Variants in SLC24A2 observed in about 807,000 individuals in gnomAD.
The protein encoded by SLC24A2 is sodium/potassium/calcium exchanger 2.
In SLC24A2, 36 loss-of-function variants were observed where a neutral mutation model predicts 62.0. The ratio of observed to expected loss-of-function variants is 0.58; its 90% confidence interval spans 0.44 to 0.77. The LOEUF (loss-of-function observed/expected upper bound fraction) is 0.77. Among genes scored for constraint, SLC24A2 ranks in the 30% least tolerant of loss-of-function variants. The probability of loss-of-function intolerance (pLI) is 0.00; values close to 1 mark genes in which losing one functional copy is unlikely to be tolerated. For missense variants in SLC24A2, 846 were observed against 817.9 expected, an observed-to-expected ratio of 1.03 and a Z score of -0.42; for synonymous variants, 358 against 294.0, an observed-to-expected ratio of 1.22 and a Z score of -2.23.
intron 2 of SLC24A2, among the ~76,000 whole-genome samples, chr9:19,719,043 C>G (rs59940399): frequency 0.33 from 50,469 of 151,990 alleles, 8,893 homozygotes; most frequent in African/African-American, 0.47. Flanking sequence ...GAGTCTCAGT[C>G]ACCTCTCTTC....
chr9:19,843,087 T>A, the SLC24A2 span, among the ~76,000 whole-genome samples: 3 of 152,198 alleles, frequency 2.0e-5, no homozygotes. Context: ...AATGCTGTCA[T>A]CTGTTTAGGG....
At chr9:19,559,222 C>G (rs895343959) in intron 7 of SLC24A2, among the ~76,000 whole-genome samples, 1 of 152,164 alleles carries the variant, frequency 6.6e-6, no homozygotes, top group African/African-American at 2.4e-5. Context: ...TGAATTATAA[C>G]ATTTCCAGCA....
At chr9:20,247,763 A>C in the SLC24A2 span, among the ~76,000 whole-genome samples, 1 of 152,232 alleles carries the variant, frequency 6.6e-6, no homozygotes, top group Non-Finnish European at 1.5e-5. Context: ...TTTTCAGGCG[A>C]CCATCACAAA....
chr9:20,116,807 G>C, the SLC24A2 span, among the ~76,000 whole-genome samples: 3 of 152,166 alleles, frequency 2.0e-5, no homozygotes, highest in Non-Finnish European at 4.4e-5. Context: ...CAGAAGAAGA[G>C]TTGTTTCTGC....
chr9:20,182,307 A>G, the SLC24A2 span, among the ~76,000 whole-genome samples: 6 of 152,240 alleles, frequency 3.9e-5, no homozygotes, highest in Non-Finnish European at 8.8e-5. Context: ...AGGATTATAA[A>G]TCATGCTACT....
At chr9:19,995,592 T>C in the SLC24A2 span, among the ~76,000 whole-genome samples, 1 of 152,198 alleles carries the variant, frequency 6.6e-6, no homozygotes, top group East Asian at 1.9e-4. Flanking sequence ...CTAATGTTCA[T>C]TTAGGTACCA....
chr9:20,303,595 C>A, the SLC24A2 span, among the ~76,000 whole-genome samples: 1 of 152,168 alleles, frequency 6.6e-6, no homozygotes, highest in East Asian at 1.9e-4. Context: ...TGGAGGTTTG[C>A]CAAAACAATC....
chr9:19,883,186 T>A, the SLC24A2 span, among the ~76,000 whole-genome samples: 1 of 152,314 alleles, frequency 6.6e-6, no homozygotes, highest in South Asian at 2.1e-4. Context: ...AATATCATGT[T>A]TGCACCAGGC....
At chr9:20,019,155 A>AAGAAAGAG in the SLC24A2 span, among the ~76,000 whole-genome samples, 398 of 117,158 alleles carry the variant, frequency 3.4e-3, 20 homozygotes, top group African/African-American at 4.2e-3. Context: ...GAAAGAAAGA[A>AAGAAAGAG]AGAGAGAGAG....
the SLC24A2 span, among the ~76,000 whole-genome samples, chr9:20,071,063 C>T: frequency 6.6e-6 from 1 of 152,184 alleles, no homozygotes; most frequent in Non-Finnish European, 1.5e-5. Flanking sequence ...TCTCTCTCTT[C>T]TTCCTCTTTG....
the SLC24A2 span, among the ~76,000 whole-genome samples, chr9:20,086,131 A>G: frequency 6.6e-6 from 1 of 152,176 alleles, no homozygotes; most frequent in African/African-American, 2.4e-5. Flanking sequence ...AGTCAAGTCC[A>G]TCAAAAATCT....
At chr9:19,567,855 A>G (rs1563972192) in intron 7 of SLC24A2, among the ~76,000 whole-genome samples, 1 of 152,246 alleles carries the variant, frequency 6.6e-6, no homozygotes, top group Non-Finnish European at 1.5e-5. Context: ...CACAGAATAT[A>G]CAAATGAAGC....
the SLC24A2 span, among the ~76,000 whole-genome samples, chr9:19,923,729 G>A: frequency 1.6e-3 from 250 of 152,328 alleles, no homozygotes; most frequent in Admixed American, 3.5e-3. Flanking sequence ...TAAATAGATA[G>A]TTGGATCATT....
At chr9:20,006,266 CTAATTTAA>C in the SLC24A2 span, among the ~76,000 whole-genome samples, 4 of 150,992 alleles carry the variant, frequency 2.6e-5, no homozygotes, top group Admixed American at 2.6e-4. Flanking sequence ...TTATTAAATA[CTAATTTAA>C]TATGCAATTA....
rs111271478 is a variant in SLC24A2, at chr9:19,543,351, T to C, written c.1479+6786A>G. On this transcript the variant is annotated intron_variant, in intron 8 of 10. Transcript: ENST00000341998. ...ATTAGTCTGGCTAGCAGTCTATCCA[T>C]TTTTTGATCTTTTCAAGAAACCAGC... Among the ~76,000 whole-genome samples the C allele has an allele frequency of 9.7e-4, 148 of 151,988 alleles. 1 individual carries two copies. Among genetic ancestry groups the C allele is most frequent in the African/African-American group, 3.0e-3 (126 of 41,458 alleles).
At chr9:19,853,608 AT>A in the SLC24A2 span, among the ~76,000 whole-genome samples, 109 of 152,306 alleles carry the variant, frequency 7.2e-4, no homozygotes, top group African/African-American at 2.5e-3. Flanking sequence ...GATAAATTAC[AT>A]TTGTTTATTT....
the SLC24A2 span, among the ~76,000 whole-genome samples, chr9:20,204,424 G>T: frequency 1.3e-4 from 20 of 152,198 alleles, no homozygotes; most frequent in Non-Finnish European, 2.6e-4. Flanking sequence ...TCCAGTATCA[G>T]AACCAACTAA....
At chr9:19,586,672 A>T (rs1359052690) in intron 5 of SLC24A2, among the ~76,000 whole-genome samples, 2 of 152,160 alleles carry the variant, frequency 1.3e-5, no homozygotes, top group African/African-American at 4.8e-5. Flanking sequence ...AGCAGGTATC[A>T]GACTGCAGAA....
In SLC24A2 at chr9:19,510,925, G is replaced by A. The variant is rs1832690977; in HGVS notation, c.*5228C>T. 1 of 152,164 alleles carries A rather than the reference G, an allele frequency of 6.6e-6. No individual in the cohort carries two copies. Among genetic ancestry groups the A allele is most frequent in the African/African-American group, 2.4e-5 (1 of 41,416 alleles). 9.4% of individuals were successfully genotyped at this position (152,164 alleles called of 1,614,324 possible). On this transcript the variant is annotated 3_prime_UTR_variant, in exon 11 of 11. Transcript: ENST00000341998. ...CTTCTTACTCTTTCTTAAGAAATCT[G>A]TCCCTAGCCATATTAAGGGCCTCTG...
Sources: allele counts gnomAD v4.1 joint callset (sites outside exome capture counted in the v4.1 genomes callset), GRCh38; gene constraint gnomAD v4.1.1; transcripts MANE v1.5; gene names NCBI Gene and HGNC (gene_info 2026-07-23, HGNC 2026-07-21).